CFAP299: variants seen among roughly 807,000 people sequenced by gnomAD.
CFAP299 encodes the protein cilia and flagella associated protein 299.
CFAP299 carries 21 observed loss-of-function variants against 27.0 expected under a neutral mutation model. That is an observed-to-expected ratio of 0.78 (90% confidence interval 0.55 to 1.12). The LOEUF (loss-of-function observed/expected upper bound fraction) is 1.12, where lower values mean the gene tolerates loss of function less well. Ranked by LOEUF, CFAP299 falls within the 50% of genes most tolerant of loss-of-function variation. CFAP299 has a pLI of 0.00. For missense variants in CFAP299, 310 were observed against 276.6 expected (o/e 1.12, Z -0.86); for synonymous variants, 104 against 98.1 (o/e 1.06, Z -0.36).
rs149255524 is a variant in CFAP299, at chr4:80,473,980, T to A, written c.243-109113T>A. Among the ~76,000 whole-genome samples the A allele has an allele frequency of 2.3e-3, 344 of 152,322 alleles. 2 individuals are homozygous for A. The highest frequency in any genetic ancestry group is 7.5e-3 in the African/African-American group (312 of 41,576). On this transcript the variant is annotated intron_variant, in intron 2 of 5. Coordinates refer to ENST00000358105, the MANE Select transcript of CFAP299 (RefSeq NM_152770.3). ...ACATAATTCTTTTGGGTATTTAAAATATATTTTGACTACTTAAAAATTATG... is the reference window on the plus strand; with the variant it reads ...ACATAATTCTTTTGGGTATTTAAAAAATATTTTGACTACTTAAAAATTATG...
At chr4:80,487,587 G>A (rs969366662) in intron 2 of CFAP299, among the ~76,000 whole-genome samples, 3 of 152,110 alleles carry the variant, frequency 2.0e-5, no homozygotes, top group African/African-American at 7.2e-5. Context: ...AAGCATTTTG[G>A]TTATTAACAT....
intron 2 of CFAP299, among the ~76,000 whole-genome samples, chr4:80,581,476 A>G (rs1281182958): frequency 7.2e-6 from 1 of 139,088 alleles, no homozygotes; most frequent in East Asian, 2.1e-4. Flanking sequence ...ATATATATAT[A>G]TATATATATA....
chr4:80,924,124 G>T (rs1268742143), intron 4 of CFAP299, among the ~76,000 whole-genome samples: 1 of 151,890 alleles, frequency 6.6e-6, no homozygotes, highest in Non-Finnish European at 1.5e-5. Context: ...TGTTTGAAAT[G>T]TTCCATGAAA....
intron 3 of CFAP299, among the ~76,000 whole-genome samples, chr4:80,626,752 G>A (rs1486027): frequency 0.94 from 142,479 of 151,738 alleles, 66,943 homozygotes; most frequent in East Asian, 1. Flanking sequence ...AACCATTTCA[G>A]TAACCTAGAG....
At chr4:80,876,595 C>T (rs1733391528) in intron 4 of CFAP299, among the ~76,000 whole-genome samples, 2 of 152,136 alleles carry the variant, frequency 1.3e-5, no homozygotes, top group Admixed American at 1.3e-4. Flanking sequence ...ACCTTTTTCA[C>T]ATTTTAACAC....
intron 3 of CFAP299, among the ~76,000 whole-genome samples, chr4:80,703,917 G>A (rs958253462): frequency 2.6e-5 from 4 of 151,742 alleles, no homozygotes; most frequent in Admixed American, 6.6e-5. Context: ...AGTAGAAAGT[G>A]TAGATTTTCC....
rs77950376 is a variant in CFAP299, at chr4:80,939,471, A to ATT, written c.477-5331_477-5330dup. 4.1e-3 allele frequency among the ~76,000 whole-genome samples: 614 copies of ATT among 147,970 alleles called. 1 individual carries two copies. Among genetic ancestry groups the ATT allele is most frequent in the Middle Eastern group, 0.014 (4 of 288 alleles). Reference sequence around the variant, plus strand: ...AGTGAGCTGTTGCAGCTCTCTGTTGATTTTTTTTTCAGTCATTGTAGTCTT... The same window carrying ATT: ...AGTGAGCTGTTGCAGCTCTCTGTTGATTTTTTTTTTTCAGTCATTGTAGTCTT... On this transcript the variant is annotated intron_variant, in intron 4 of 5. Coordinates refer to ENST00000358105, the MANE Select transcript of CFAP299 (RefSeq NM_152770.3).
intron 2 of CFAP299, among the ~76,000 whole-genome samples, chr4:80,485,007 A>G (rs1199390558): frequency 2.0e-5 from 3 of 152,140 alleles, no homozygotes; most frequent in African/African-American, 4.8e-5. Context: ...ACTAGCATCA[A>G]TGAATGTTAA....
chr4:80,703,184 C>G (rs1371325664), intron 3 of CFAP299, among the ~76,000 whole-genome samples: 2 of 151,732 alleles, frequency 1.3e-5, no homozygotes, highest in African/African-American at 4.8e-5. Context: ...ACTGAAATCT[C>G]TATTCATTTG....
intron 4 of CFAP299, among the ~76,000 whole-genome samples, chr4:80,891,314 G>A (rs1478938599): frequency 6.6e-6 from 1 of 151,398 alleles, no homozygotes; most frequent in Non-Finnish European, 1.5e-5. Context: ...TTATTAAATA[G>A]GGAATCCTTT....
chr4:80,639,330 C>T (rs1739607096), intron 3 of CFAP299, among the ~76,000 whole-genome samples: 1 of 152,150 alleles, frequency 6.6e-6, no homozygotes, highest in Non-Finnish European at 1.5e-5. Flanking sequence ...CCGCTCTTCA[C>T]CTCACAGAGG....
chr4:80,362,042 T>C (rs1723572783), intron 1 of CFAP299, among the ~76,000 whole-genome samples: 1 of 151,956 alleles, frequency 6.6e-6, no homozygotes, highest in Non-Finnish European at 1.5e-5. Context: ...TTTTTTTAAG[T>C]ATACCATGCA....
chr4:80,504,290 T>C lies in CFAP299; in HGVS notation c.243-78803T>C, dbSNP rs77646664. ...GGCTCCAGGAAAGGCTGAGAGGTGC[T>C]TGCTGGTGCTCATACCTATGGAAAG... On this transcript the variant is annotated intron_variant, in intron 2 of 5. Coordinates refer to ENST00000358105, the MANE Select transcript of CFAP299 (RefSeq NM_152770.3). Among the ~76,000 whole-genome samples the C allele has an allele frequency of 8.1e-3, 1,224 of 151,620 alleles. 15 individuals carry two copies. The highest frequency in any genetic ancestry group is 0.029 in the African/African-American group (1,184 of 41,322).
At chr4:80,677,899 G>A (rs1035739931) in intron 3 of CFAP299, among the ~76,000 whole-genome samples, 14 of 152,162 alleles carry the variant, frequency 9.2e-5, no homozygotes, top group African/African-American at 2.9e-4. Flanking sequence ...TGCATTTCAA[G>A]CCAAAATTGT....
At chr4:80,397,410 T>C (rs1418901401) in intron 2 of CFAP299, among the ~76,000 whole-genome samples, 2 of 152,186 alleles carry the variant, frequency 1.3e-5, no homozygotes, top group African/African-American at 4.8e-5. Flanking sequence ...TAGTTATTTC[T>C]TGCCTTGTGC....
intron 2 of CFAP299, among the ~76,000 whole-genome samples, chr4:80,417,912 C>T (rs377279870): frequency 3.9e-5 from 6 of 152,194 alleles, no homozygotes; most frequent in East Asian, 1.9e-4. Context: ...GAGGAAAAAG[C>T]GACAAGGTAC....
intron 1 of CFAP299, chr4:80,336,615 CA>C (rs1722159861): frequency 6.6e-6 from 1 of 152,222 alleles, no homozygotes. Flanking sequence ...TGTCCTGTGC[CA>C]CGGGAGAACC....
chr4:80,498,773 A>T (rs1030299772), intron 2 of CFAP299, among the ~76,000 whole-genome samples: 5 of 152,150 alleles, frequency 3.3e-5, no homozygotes, highest in African/African-American at 7.2e-5. Flanking sequence ...AAATAATTCT[A>T]CTATTAAAGA....
intron 3 of CFAP299, among the ~76,000 whole-genome samples, chr4:80,675,436 C>G (rs1402798237): frequency 6.6e-6 from 1 of 152,096 alleles, no homozygotes; most frequent in Non-Finnish European, 1.5e-5. Context: ...GAGGGGCACC[C>G]ACTTGTATGA....
Sources: allele counts gnomAD v4.1 joint callset (sites outside exome capture counted in the v4.1 genomes callset), GRCh38; gene constraint gnomAD v4.1.1; transcripts MANE v1.5; gene names NCBI Gene and HGNC (gene_info 2026-07-23, HGNC 2026-07-21).